SLC25A42: variants seen among roughly 807,000 people sequenced by gnomAD.
The protein encoded by SLC25A42 is mitochondrial coenzyme A transporter SLC25A42.
A neutral mutation model predicts 34.7 loss-of-function variants in SLC25A42; 19 were observed. The ratio of observed to expected loss-of-function variants is 0.55; its 90% CI spans 0.38 to 0.80. SLC25A42 has a LOEUF of 0.80. Among genes scored for constraint, SLC25A42 ranks in the 30% least tolerant of loss-of-function variants. SLC25A42 has a pLI of 0.00. For missense variants in SLC25A42, 364 were observed against 441.3 expected, an observed-to-expected ratio of 0.82 and a Z score of 1.57; for synonymous variants, 205 against 191.2, an observed-to-expected ratio of 1.07 and a Z score of -0.59.
At chr19:19,094,124 T>G (rs763266223) in intron 1 of SLC25A42, among the ~76,000 whole-genome samples, 2 of 152,222 alleles carry the variant, frequency 1.3e-5, no homozygotes, top group Non-Finnish European at 2.9e-5. Context: ...CCATCAGGTT[T>G]CTGTGCTGCA....
chr19:19,106,117 G>C, intron 5 of SLC25A42, 152 bp from the exon 6 acceptor site: 1 of 650,770 alleles, frequency 1.5e-6, no homozygotes, highest in Non-Finnish European at 2.7e-6. Context: ...GACCCCATCA[G>C]CTTGGCCAGG....
chr19:19,101,680 C>T (rs754901412), intron 2 of SLC25A42, 101 bp from the exon 3 acceptor site: 49 of 1,042,266 alleles, frequency 4.7e-5, no homozygotes, highest in East Asian at 2.3e-4. Flanking sequence ...GTACATCCCT[C>T]GGCCCCGGCC....
In SLC25A42 at chr19:19,086,674, T is replaced by C. The variant is rs1337374721; in HGVS notation, c.-34-9417T>C. Among the ~76,000 whole-genome samples the C allele has an allele frequency of 2.0e-5, 3 of 152,144 alleles. No individual in the cohort carries two copies. In the East Asian group the frequency reaches 5.8e-4, roughly 29 times the overall value. ...GTTTCGTTTTGAGACATAGTCTTGC[T>C]CTCTCACCCAGGCTGGAGTGCAGTG... On this transcript the variant is annotated intron_variant, in intron 1 of 7. Coordinates refer to ENST00000318596, the MANE Select transcript of SLC25A42 (RefSeq NM_178526.5).
Position 19,105,833 on chromosome 19 carries a change from C to G in SLC25A42, c.380+106C>G, listed in dbSNP as rs1568524229. The G allele has an allele frequency of 5.0e-6, 5 of 1,007,906 alleles. No individual in the cohort carries two copies. The South Asian group carries it at 8.2e-5, about 17-fold the overall frequency. The allele number at this position is 1,007,906 out of a possible 1,614,324, so 62.4% of individuals were successfully genotyped here. A position where few individuals can be genotyped will look rare whatever the true frequency, so the allele number is the denominator to read the frequency against. On this transcript the variant is annotated intron_variant, in intron 5 of 7. Transcript: ENST00000318596. Reference sequence around the variant, plus strand: ...TCCTCTTCGTGCCTTGCCCCTAGCCCTGCCTTCCCTCTTCCCACAACGAAA... The same window carrying G: ...TCCTCTTCGTGCCTTGCCCCTAGCCGTGCCTTCCCTCTTCCCACAACGAAA...
chr19:19,108,628 A>G (rs1279989477), intron 7 of SLC25A42, among the ~76,000 whole-genome samples: 1 of 152,100 alleles, frequency 6.6e-6, no homozygotes, highest in East Asian at 1.9e-4. Flanking sequence ...ACGAGCACAC[A>G]CGCAAAGCAT....
Position 19,110,607 on chromosome 19 carries a change from A to C in SLC25A42, c.688A>C (p.Met230Leu). The change falls in exon 8 of 8, where the codon ATG becomes CTG. Residue 230 changes from methionine (M) to leucine (L), a missense_variant. Coordinates refer to ENST00000318596, the MANE Select transcript of SLC25A42 (RefSeq NM_178526.5). ...GRRQPYPFER[M>L]IFGACAGLIG... ...CCGGCAGCCCTACCCCTTCGAGCGC[A>C]TGATCTTCGGCGCCTGCGCTGGCCT... 6.7e-7 allele frequency: 1 copy of C among 1,495,712 alleles called. No homozygotes were observed. Among genetic ancestry groups the C allele is most frequent in the South Asian group, 1.3e-5 (1 of 76,906 alleles). 92.7% of individuals were successfully genotyped at this position (1,495,712 alleles called of 1,614,324 possible). A position where few individuals can be genotyped will look rare whatever the true frequency, so the allele number is the denominator to read the frequency against.
chr19:19,106,474 C>T, intron 6 of SLC25A42, 89 bp downstream of exon 6: 1 of 1,117,844 alleles, frequency 8.9e-7, no homozygotes, highest in Non-Finnish European at 1.3e-6. Context: ...CTATCGGGCC[C>T]CAGGGGTTTG....
intron 3 of SLC25A42, 128 bp downstream of exon 3, chr19:19,102,014 GT>G (rs375720887): frequency 0.024 from 12,295 of 506,994 alleles, no homozygotes; most frequent in South Asian, 0.03. Context: ...GTTTTTTGTT[GT>G]TTTTTTTTTT....
chr19:19,064,503 G>C (rs1008872611), intron 1 of SLC25A42, among the ~76,000 whole-genome samples: 2 of 128,348 alleles, frequency 1.6e-5, no homozygotes, highest in Non-Finnish European at 3.2e-5. Flanking sequence ...CCTTGTCGAT[G>C]ACACCCCCAC....
intron 1 of SLC25A42, among the ~76,000 whole-genome samples, chr19:19,089,995 T>C (rs1310038647): frequency 6.6e-6 from 1 of 152,244 alleles, no homozygotes; most frequent in Admixed American, 6.5e-5. Flanking sequence ...CTTCTGAGCT[T>C]TCCTTGGGCC....
At chr19:19,076,557 C>T (rs2059656919) in intron 1 of SLC25A42, among the ~76,000 whole-genome samples, 1 of 152,168 alleles carries the variant, frequency 6.6e-6, no homozygotes, top group Non-Finnish European at 1.5e-5. Context: ...AAAGGCCATC[C>T]ATTCAAGTCC....
chr19:19,076,881 C>G lies in SLC25A42; in HGVS notation c.-35+12766C>G, dbSNP rs189126137. On this transcript the variant is annotated intron_variant, in intron 1 of 7. Coordinates refer to ENST00000318596, the MANE Select transcript of SLC25A42 (RefSeq NM_178526.5). ...TCACCATAAATGTGTTTTGTACTTA[C>G]GTTTCTTAAAAATTGTGGTGGGCTG... 9.2e-5 allele frequency among the ~76,000 whole-genome samples: 14 copies of G among 152,086 alleles called. No individual in the cohort carries two copies. The East Asian group carries it at 2.7e-3, about 29-fold the overall frequency.
chr19:19,108,797 TC>T (rs2059848244), intron 7 of SLC25A42, among the ~76,000 whole-genome samples: 1 of 152,236 alleles, frequency 6.6e-6, no homozygotes, highest in Admixed American at 6.5e-5. Flanking sequence ...TTGTTTTTTT[TC>T]TTTTTTGTAG....
At chr19:19,067,021 C>CAA (rs11419955) in intron 1 of SLC25A42, among the ~76,000 whole-genome samples, 2,633 of 115,502 alleles carry the variant, frequency 0.023, 73 homozygotes, top group African/African-American at 0.062. Flanking sequence ...GACCCTGTCT[C>CAA]AAAAAAAAAA....
intron 1 of SLC25A42, among the ~76,000 whole-genome samples, chr19:19,086,464 A>G (rs189135723): frequency 3.9e-5 from 6 of 152,154 alleles, no homozygotes; most frequent in Admixed American, 2.0e-4. Flanking sequence ...CTGTGGGGAG[A>G]TGCTCAGAGG....
intron 1 of SLC25A42, among the ~76,000 whole-genome samples, chr19:19,066,445 T>C (rs1361894629): frequency 8.6e-5 from 9 of 104,654 alleles, no homozygotes; most frequent in Non-Finnish European, 1.7e-4. Context: ...CATATTTTTT[T>C]TTTCTTTCTT....
intron 7 of SLC25A42, 129 bp downstream of exon 7, chr19:19,108,174 T>C: frequency 1.0e-6 from 1 of 1,002,742 alleles, no homozygotes; most frequent in South Asian, 1.8e-5. Flanking sequence ...GGGCAGGCTG[T>C]AGACCCACAT....
At chr19:19,108,962 G>C (rs1019680703) in intron 7 of SLC25A42, among the ~76,000 whole-genome samples, 7 of 151,724 alleles carry the variant, frequency 4.6e-5, no homozygotes, top group Admixed American at 4.6e-4. Context: ...TAAAATGTTA[G>C]GGGTAACGCT....
At chr19:19,069,765 C>A (rs1037605049) in intron 1 of SLC25A42, among the ~76,000 whole-genome samples, 5 of 152,050 alleles carry the variant, frequency 3.3e-5, no homozygotes, top group African/African-American at 1.2e-4. Context: ...AGTGATTCTC[C>A]CGCTTCAGCC....
Sources: gnomAD v4.1 joint callset for allele counts (sites outside exome capture counted in the v4.1 genomes callset) on GRCh38, gnomAD v4.1.1 for gene constraint, MANE v1.5 for transcripts, NCBI Gene and HGNC (gene_info 2026-07-23, HGNC 2026-07-21) for gene names.